TMEM132A: variants seen among roughly 807,000 people sequenced by gnomAD.
TMEM132A encodes the protein GRP78-binding protein.
Under a neutral mutation model 69.9 loss-of-function variants are expected in TMEM132A, and 48 were observed. The observed-to-expected ratio is 0.69, with a 90% CI of 0.55 to 0.87. The LOEUF (loss-of-function observed/expected upper bound fraction) is 0.87, where lower values mean the gene tolerates loss of function less well. Ranked by LOEUF, TMEM132A falls within the 40% of genes least tolerant of loss-of-function variation. The pLI is 0.00. For synonymous variants in TMEM132A, 577 were observed against 613.7 expected, an observed-to-expected ratio of 0.94 and a Z score of 0.88; for missense variants, 1,287 against 1,407.2, an observed-to-expected ratio of 0.91 and a Z score of 1.37.
chr11:60,936,328 A>AGAG lies in TMEM132A; in HGVS notation c.2503_2505dup (p.Glu835dup). ...CCGAAGCCAGGGAGGAGGAGGAGGA[A>AGAG]GAGGAGGAGGAGATGGTCCCTGCCC... On this transcript the variant is annotated inframe_insertion, in exon 11 of 11. Transcript: ENST00000453848. The AGAG allele has an allele frequency of 6.2e-7, 1 of 1,613,718 alleles. No homozygotes were observed. The highest frequency in any genetic ancestry group is 1.1e-5 in the South Asian group (1 of 91,082).
intron 9 of TMEM132A, 84 bp downstream of exon 9, chr11:60,934,848 G>C: frequency 7.1e-7 from 1 of 1,402,328 alleles, no homozygotes; most frequent in Non-Finnish European, 9.6e-7. Context: ...AGTGAAGAGT[G>C]TGCCAGGAGC....
chr11:60,924,866 G>A, intron 1 of TMEM132A, 133 bp downstream of exon 1: 3 of 643,440 alleles, frequency 4.7e-6, no homozygotes, highest in Non-Finnish European at 7.6e-6. Flanking sequence ...GCGCCCTGAA[G>A]GTCGGAGAGT....
chr11:60,931,775 CGTG>C lies in TMEM132A; in HGVS notation c.1105_1107del (p.Trp369del). On this transcript the variant is annotated inframe_deletion, in exon 6 of 11. Transcript: ENST00000453848. The stretch of plus-strand genomic sequence containing the variant: ...GGCGTAGCGGTCACTCGCCCCGTCA[CGTG>C]GCAGCTGGAGTACCCAGGCCAGGCC... 1 of 1,614,190 alleles carries C rather than the reference CGTG, an allele frequency of 6.2e-7. No individual in the cohort carries two copies. Among genetic ancestry groups the C allele is most frequent in the Non-Finnish European group, 8.5e-7 (1 of 1,180,040 alleles).
At chr11:60,931,955 C>T in intron 6 of TMEM132A, 29 bp from the exon 7 acceptor site, 1 of 1,613,190 alleles carries the variant, frequency 6.2e-7, no homozygotes, top group Admixed American at 1.7e-5. Context: ...GCTGAGGGGC[C>T]TGGGGCTGAG....
In TMEM132A at chr11:60,928,697, A is replaced by T; in HGVS notation, c.603A>T (p.Thr201=). 1 of 1,611,056 alleles carries T rather than the reference A, an allele frequency of 6.2e-7. No homozygotes were observed. The highest frequency in any genetic ancestry group is 8.5e-7 in the Non-Finnish European group (1 of 1,179,750). ...ACTGGTTCTCACAGGCCTCCACCAC[A>T]CGGGCCGAGCTGGCCTACACGCTTG... The part of the protein sequence containing the change: ...PSHWFSQAST[T]RAELAYTLEP... Residue 201 remains threonine, a synonymous_variant, in exon 4 of 11, where the codon ACA becomes ACT. Coordinates refer to ENST00000453848, the MANE Select transcript of TMEM132A (RefSeq NM_178031.3).
In TMEM132A at chr11:60,934,754, C is replaced by T. The variant is rs377580866; in HGVS notation, c.1826C>T (p.Thr609Ile). The T allele has an allele frequency of 4.4e-6, 7 of 1,602,438 alleles. No homozygotes were observed. The highest frequency in any genetic ancestry group is 5.1e-6 in the Non-Finnish European group (6 of 1,174,434). The change falls in exon 9 of 11, where the codon ACC becomes ATC. Residue 609 changes from threonine to isoleucine, a missense_variant. Physicochemically the swap from Thr to Ile is moderately conservative, Grantham distance 89. Coordinates refer to ENST00000453848, the MANE Select transcript of TMEM132A (RefSeq NM_178031.3). ...RVVVGREPGVTSIEVRSPLSD... is the reference protein window; with the variant it reads ...RVVVGREPGVISIEVRSPLSD... The stretch of plus-strand genomic sequence containing the variant: ...GTGGTGGGCCGGGAGCCCGGTGTCA[C>T]CTCCATTGAGGTAAGCAGCTGGGGA...
At chr11:60,932,703 C>G (rs946135877) in intron 7 of TMEM132A, 1 of 152,156 alleles carries the variant, frequency 6.6e-6, no homozygotes, top group African/African-American at 2.4e-5. Flanking sequence ...GAGCAACTTC[C>G]TCTATCTTGA....
At chr11:60,930,702 T>C (rs1277293979) in intron 5 of TMEM132A, 43 bp downstream of exon 5, 1 of 1,570,998 alleles carries the variant, frequency 6.4e-7, no homozygotes, top group Non-Finnish European at 8.6e-7. Flanking sequence ...GAGGGAGGGC[T>C]GGTTATAGAG....
chr11:60,934,794 C>T, intron 9 of TMEM132A, 30 bp downstream of exon 9: 5 of 1,568,664 alleles, frequency 3.2e-6, no homozygotes, highest in East Asian at 2.3e-5. Flanking sequence ...GAGAGTAGAC[C>T]CCCTGAGAAG....
chr11:60,927,534 G>C, intron 2 of TMEM132A, 107 bp from the exon 3 acceptor site: 2 of 1,413,090 alleles, frequency 1.4e-6, no homozygotes, highest in South Asian at 2.6e-5. Context: ...TCCAGAGGGG[G>C]AAACTGAGGC....
In TMEM132A at chr11:60,928,812, C is replaced by T. The variant is rs77946216; in HGVS notation, c.718C>T (p.Arg240Cys). The change falls in exon 4 of 11, where the codon CGC becomes TGC. Residue 240 changes from arginine (R) to cysteine (C), a missense_variant. Coordinates refer to ENST00000453848, the MANE Select transcript of TMEM132A (RefSeq NM_178031.3). ...CCTCCCAGTGGGGGGTGTGGAGCTGCGCCCAGCAGACCCCCCGCAGTACCA... is the reference window on the plus strand; with the variant it reads ...CCTCCCAGTGGGGGGTGTGGAGCTGTGCCCAGCAGACCCCCCGCAGTACCA... ...QALPVGGVEL[R>C]PADPPQYQEV... The T allele has an allele frequency of 4.0e-5, 64 of 1,611,512 alleles. 1 individual carries two copies. In the East Asian group the frequency reaches 4.0e-4, roughly 10 times the overall value.
At chr11:60,926,073 A>C (rs1008899064) in intron 1 of TMEM132A, 1 of 152,184 alleles carries the variant, frequency 6.6e-6, no homozygotes, top group Non-Finnish European at 1.5e-5. Context: ...AAGACAGGAG[A>C]CTGGTGGGAA....
chr11:60,934,570 G>A lies in TMEM132A; in HGVS notation c.1642G>A (p.Val548Met). The change falls in exon 9 of 11, where the codon GTG (valine) becomes ATG (methionine). Residue 548 changes from valine to methionine, a missense_variant. Physicochemically the swap from Val to Met is conservative, Grantham distance 21 (BLOSUM62 1). Transcript: ENST00000453848. ...GCHLQYQRAG[V>M]RFLAPFAAHP... ...CCACCTGCAGTACCAGCGGGCCGGT[G>A]TGCGCTTCCTCGCCCCCTTCGCGGC... 1.9e-6 allele frequency: 3 copies of A among 1,541,220 alleles called. No homozygotes were observed. Among genetic ancestry groups the A allele is most frequent in the Non-Finnish European group, 2.6e-6 (3 of 1,152,016 alleles).
rs1216488372 is a variant in TMEM132A, at chr11:60,935,515, G to A, written c.2028+72G>A. ...GGGCTCATGGTAGAGGGGAATGGGA[G>A]GAAGGGACCCTGGTACCTCGACCCC... On this transcript the variant is annotated intron_variant, in intron 10 of 10. Coordinates refer to ENST00000453848, the MANE Select transcript of TMEM132A (RefSeq NM_178031.3). This position sits in a 1 kb window ranked among gnomAD's most constrained non-coding sequence, Gnocchi z 5.0. The A allele has an allele frequency of 1.4e-6, 2 of 1,462,762 alleles. No individual in the cohort carries two copies. The highest frequency in any genetic ancestry group is 1.9e-6 in the Non-Finnish European group (2 of 1,078,262). 90.6% of individuals were successfully genotyped at this position (1,462,762 alleles called of 1,614,324 possible).
rs1280357669 is a variant in TMEM132A, at chr11:60,924,677, G to A, written c.44G>A (p.Gly15Glu). Reference protein sequence around the residue: ...MAGRTTAAPRGPYGPWLCLLV... With the variant: ...MAGRTTAAPREPYGPWLCLLV... Reference sequence around the variant, plus strand: ...GGTCGCACAACAGCGGCCCCTCGGGGGCCCTACGGCCCCTGGCTCTGCCTC... The same window carrying A: ...GGTCGCACAACAGCGGCCCCTCGGGAGCCCTACGGCCCCTGGCTCTGCCTC... Residue 15 changes from glycine (G) to glutamate (E), a missense_variant, in exon 1 of 11, where the codon GGG (glycine) becomes GAG (glutamate). By Grantham distance (98) the Gly-to-Glu change is moderately conservative. Coordinates refer to ENST00000453848, the MANE Select transcript of TMEM132A (RefSeq NM_178031.3). The A allele has an allele frequency of 6.3e-7, 1 of 1,593,006 alleles. No individual in the cohort carries two copies. Among genetic ancestry groups the A allele is most frequent in the Admixed American group, 1.7e-5 (1 of 59,522 alleles).
At chr11:60,930,060 G>A (rs538106445) in intron 4 of TMEM132A, among the ~76,000 whole-genome samples, 63 of 152,332 alleles carry the variant, frequency 4.1e-4, no homozygotes, top group African/African-American at 1.5e-3. Flanking sequence ...CTTTCTAAAG[G>A]AAATGGTCTG....
At chr11:60,934,227 G>A (rs1182704025) in intron 8 of TMEM132A, 6 of 404,218 alleles carry the variant, frequency 1.5e-5, no homozygotes, top group Admixed American at 4.5e-5. Context: ...CAGGGTCCCC[G>A]TAAGAGAGCG....
At chr11:60,926,772 G>C in intron 1 of TMEM132A, 1 of 242,028 alleles carries the variant, frequency 4.1e-6, no homozygotes, top group South Asian at 5.2e-5. Flanking sequence ...GCAGAGCCTG[G>C]CCAAGGATTC....
Position 60,936,565 on chromosome 11 carries a change from C to T in TMEM132A, c.2730C>T (p.Asp910=). The T allele has an allele frequency of 6.2e-7, 1 of 1,609,098 alleles. No homozygotes were observed. Among genetic ancestry groups the T allele is most frequent in the Non-Finnish European group, 8.5e-7 (1 of 1,177,918 alleles). The change falls in exon 11 of 11, where the codon GAC becomes GAT. Residue 910 remains aspartate (D), a synonymous_variant. Coordinates refer to ENST00000453848, the MANE Select transcript of TMEM132A (RefSeq NM_178031.3). ...AGGAGGAACTGAGCCGCCAGCTGGA[C>T]CGGCAGTCCCCTGGCCCGCCCAAGG... ...TDQEELSRQL[D]RQSPGPPKGE... is the part of the protein sequence containing the mutation.
Sources: gnomAD v4.1 joint callset for allele counts (sites outside exome capture counted in the v4.1 genomes callset) on GRCh38, gnomAD v4.1.1 for gene constraint, Gnocchi (gnomAD v3.1) non-coding constraint, MANE v1.5 for transcripts, NCBI Gene and HGNC (gene_info 2026-07-23, HGNC 2026-07-21) for gene names.